The following ADGRB3 variants were observed in gnomAD, a reference collection of about 807,000 sequenced individuals.
ADGRB3 encodes the protein adhesion G protein-coupled receptor B3.
ADGRB3 carries 37 observed loss-of-function variants against 193.4 expected under a neutral mutation model. The observed-to-expected ratio is 0.19, with a 90% CI of 0.15 to 0.25. ADGRB3 has a LOEUF of 0.25. Among genes scored for constraint, ADGRB3 ranks in the 10% least tolerant of loss-of-function variants. The pLI, the probability that ADGRB3 is intolerant of heterozygous loss-of-function variation, is 1.00. For synonymous variants in ADGRB3, 690 were observed against 644.2 expected, an observed-to-expected ratio of 1.07 and a Z score of -1.08; for missense variants, 1,637 against 1,852.9, an observed-to-expected ratio of 0.88 and a Z score of 2.14.
intron 17 of ADGRB3, among the ~76,000 whole-genome samples, chr6:69,195,958 A>G (rs1765285676): frequency 6.6e-6 from 1 of 152,168 alleles, no homozygotes; most frequent in Admixed American, 6.6e-5. Flanking sequence ...ACTGATATCC[A>G]TGAGCATAAT....
At chr6:69,043,210 A>C (rs1771121439) in intron 13 of ADGRB3, among the ~76,000 whole-genome samples, 2 of 151,844 alleles carry the variant, frequency 1.3e-5, no homozygotes, top group South Asian at 4.2e-4. Flanking sequence ...AGAAAGAAAA[A>C]AGAAGAGACA....
intron 3 of ADGRB3, among the ~76,000 whole-genome samples, chr6:68,928,744 A>T (rs1767253385): frequency 6.6e-6 from 1 of 152,128 alleles, no homozygotes; most frequent in African/African-American, 2.4e-5. Context: ...TGCCAAAATT[A>T]CCTTAGTGTG....
chr6:69,031,438 C>G (rs1407031800), intron 13 of ADGRB3, among the ~76,000 whole-genome samples: 3 of 87,366 alleles, frequency 3.4e-5, no homozygotes, highest in African/African-American at 1.7e-4. Flanking sequence ...AAGACTCCAT[C>G]TCAAAAAAAA....
At chr6:68,947,227 C>T (rs182336310) in intron 6 of ADGRB3, among the ~76,000 whole-genome samples, 1 of 151,742 alleles carries the variant, frequency 6.6e-6, no homozygotes, top group African/African-American at 2.4e-5. Context: ...TGGAAAGGTG[C>T]ATGTTTGTGT....
chr6:68,855,960 G>A (rs1764976205), intron 3 of ADGRB3, among the ~76,000 whole-genome samples: 2 of 152,148 alleles, frequency 1.3e-5, no homozygotes, highest in Admixed American at 1.3e-4. Flanking sequence ...GGTGAGAGAT[G>A]GTTGAATCAT....
intron 13 of ADGRB3, among the ~76,000 whole-genome samples, chr6:69,042,936 A>T (rs1474139577): frequency 1.3e-5 from 2 of 152,184 alleles, no homozygotes; most frequent in African/African-American, 4.8e-5. Flanking sequence ...GTTTATGGTG[A>T]TGAGGTGCCA....
At chr6:69,140,594 C>T (rs949128394) in intron 17 of ADGRB3, among the ~76,000 whole-genome samples, 1 of 152,012 alleles carries the variant, frequency 6.6e-6, no homozygotes, top group Non-Finnish European at 1.5e-5. Context: ...AATCGCAAAA[C>T]AGGATGACTA....
chr6:69,370,029 A>C (rs550912774), intron 29 of ADGRB3, among the ~76,000 whole-genome samples: 9 of 152,020 alleles, frequency 5.9e-5, no homozygotes, highest in South Asian at 4.2e-4. Flanking sequence ...GTAACATATC[A>C]CTCCTGTATT....
At chr6:68,810,553 A>T (rs1167261872) in intron 3 of ADGRB3, among the ~76,000 whole-genome samples, 3 of 152,200 alleles carry the variant, frequency 2.0e-5, no homozygotes, top group Non-Finnish European at 1.5e-5. Flanking sequence ...AATCAGAGGA[A>T]GTCAACGGAT....
intron 17 of ADGRB3, among the ~76,000 whole-genome samples, chr6:69,177,281 C>A (rs891598303): frequency 1.3e-5 from 2 of 151,908 alleles, no homozygotes; most frequent in Non-Finnish European, 2.9e-5. Context: ...TTGCTCTTTG[C>A]TCTTAATACT....
intron 10 of ADGRB3, among the ~76,000 whole-genome samples, chr6:68,982,837 A>T (rs1222055102): frequency 6.6e-6 from 1 of 152,156 alleles, no homozygotes; most frequent in African/African-American, 2.4e-5. Flanking sequence ...TTTCTACCCG[A>T]GAGGTGCTCT....
At chr6:68,817,540 G>C (rs188949337) in intron 3 of ADGRB3, among the ~76,000 whole-genome samples, 1 of 151,208 alleles carries the variant, frequency 6.6e-6, no homozygotes, top group Non-Finnish European at 1.5e-5. Context: ...TGCTAAAATA[G>C]TACTTTTCAG....
At chr6:69,233,015 CA>C in intron 17 of ADGRB3, 1 of 463,612 alleles carries the variant, frequency 2.2e-6, no homozygotes, top group Non-Finnish European at 3.8e-6. Context: ...CTGTTCCTCG[CA>C]TAGGGCTGGA....
chr6:68,658,120 A>C (rs897391493), intron 3 of ADGRB3, among the ~76,000 whole-genome samples: 3 of 151,250 alleles, frequency 2.0e-5, no homozygotes, highest in African/African-American at 7.3e-5. Flanking sequence ...CATTCTTCCT[A>C]AGAGCCCCAT....
intron 17 of ADGRB3, among the ~76,000 whole-genome samples, chr6:69,162,719 A>G (rs1236685569): frequency 6.6e-6 from 1 of 152,164 alleles, no homozygotes; most frequent in Non-Finnish European, 1.5e-5. Context: ...AGTTAAATGT[A>G]GAAGTAAATG....
intron 17 of ADGRB3, among the ~76,000 whole-genome samples, chr6:69,151,421 CA>C (rs147836560): frequency 6.6e-6 from 1 of 152,306 alleles, no homozygotes; most frequent in African/African-American, 2.4e-5. Context: ...TGTGCTCCCC[CA>C]TCCCCAAGCA....
At chr6:69,068,023 G>T (rs1276085011) in intron 16 of ADGRB3, among the ~76,000 whole-genome samples, 1 of 152,112 alleles carries the variant, frequency 6.6e-6, no homozygotes, top group African/African-American at 2.4e-5. Flanking sequence ...CTGAAATATG[G>T]TGTTATAATC....
chr6:68,811,533 A>G (rs897727102), intron 3 of ADGRB3, among the ~76,000 whole-genome samples: 2 of 151,938 alleles, frequency 1.3e-5, no homozygotes, highest in Non-Finnish European at 2.9e-5. Context: ...CGGTGGGATG[A>G]TCTCGGCTCA....
intron 19 of ADGRB3, among the ~76,000 whole-genome samples, chr6:69,238,883 C>T (rs1325409215): frequency 2.0e-5 from 3 of 151,868 alleles, no homozygotes; most frequent in Non-Finnish European, 2.9e-5. Context: ...GCCATACTGT[C>T]CCACCAATGT....
Sources: gnomAD v4.1 joint callset for allele counts (sites outside exome capture counted in the v4.1 genomes callset) on GRCh38, gnomAD v4.1.1 for gene constraint, MANE v1.5 for transcripts, NCBI Gene and HGNC (gene_info 2026-07-23, HGNC 2026-07-21) for gene names.